The following TPTE variants were observed in gnomAD, a reference collection of about 807,000 sequenced individuals.
TPTE encodes the protein putative tyrosine-protein phosphatase TPTE.
TPTE carries 59 observed loss-of-function variants against 84.1 expected under a neutral mutation model. The ratio of observed to expected loss-of-function variants is 0.70; its 90% CI spans 0.57 to 0.87. The LOEUF (loss-of-function observed/expected upper bound fraction) is 0.87, where lower values mean the gene tolerates loss of function less well. Among genes scored for constraint, TPTE ranks in the 40% least tolerant of loss-of-function variants. The pLI is 0.00. For synonymous variants in TPTE, 130 were observed against 223.5 expected, an observed-to-expected ratio of 0.58 and a Z score of 3.73; for missense variants, 382 against 659.6, an observed-to-expected ratio of 0.58 and a Z score of 4.61.
intron 7 of TPTE, among the ~76,000 whole-genome samples, chr21:10,549,190 A>G (rs1345707223): frequency 6.6e-6 from 1 of 152,310 alleles, no homozygotes; most frequent in African/African-American, 2.4e-5. Flanking sequence ...GGTATACCCC[A>G]ATGAACTGAC....
intron 7 of TPTE, among the ~76,000 whole-genome samples, chr21:10,544,433 G>A (rs1380438928): frequency 3.9e-5 from 6 of 152,310 alleles, no homozygotes; most frequent in Admixed American, 3.9e-4. Flanking sequence ...TGCCCAAGCT[G>A]GCGTGCAGTG....
intron 7 of TPTE, among the ~76,000 whole-genome samples, chr21:10,546,629 T>C (rs1318217736): frequency 2.0e-5 from 3 of 152,308 alleles, no homozygotes; most frequent in Non-Finnish European, 4.4e-5. Context: ...CCAGTGAACA[T>C]ACAAATGTTG....
intron 10 of TPTE, among the ~76,000 whole-genome samples, chr21:10,562,641 A>C: frequency 6.6e-6 from 1 of 152,312 alleles, no homozygotes; most frequent in East Asian, 1.9e-4. Flanking sequence ...AATGCATTAG[A>C]GTCTTTTAAT....
At chr21:10,599,365 T>C (rs11184140) in intron 21 of TPTE, among the ~76,000 whole-genome samples, 1,436 of 150,056 alleles carry the variant, frequency 9.6e-3, no homozygotes, top group Non-Finnish European at 0.014. Flanking sequence ...TATAATGCAA[T>C]GTATAGAATC....
intron 19 of TPTE, among the ~76,000 whole-genome samples, chr21:10,594,172 A>T (rs1471254580): frequency 6.6e-6 from 1 of 152,310 alleles, no homozygotes; most frequent in Non-Finnish European, 1.5e-5. Context: ...TGCATCACAC[A>T]TCCCATACTC....
chr21:10,545,729 A>G lies in TPTE; in HGVS notation c.173+2347A>G, dbSNP rs569717941. 8.6e-5 allele frequency among the ~76,000 whole-genome samples: 13 copies of G among 151,938 alleles called. No homozygotes were observed. The South Asian group carries it at 2.3e-3, about 27-fold the overall frequency. On this transcript the variant is annotated intron_variant, in intron 7 of 23. Coordinates refer to ENST00000618007, the MANE Select transcript of TPTE (RefSeq NM_199261.4). ...AGCTATATATGTAATATATATAGAT[A>G]TATAAATATGTATTTGTGTGTATAT...
At chr21:10,587,642 C>A (rs2075390703) in intron 17 of TPTE, among the ~76,000 whole-genome samples, 1 of 152,308 alleles carries the variant, frequency 6.6e-6, no homozygotes, top group African/African-American at 2.4e-5. Context: ...CTCCACCTCC[C>A]AGGTTCAAGT....
At chr21:10,523,799 T>C (rs1308426692) in intron 1 of TPTE, among the ~76,000 whole-genome samples, 1 of 152,308 alleles carries the variant, frequency 6.6e-6, no homozygotes, top group African/African-American at 2.4e-5. Context: ...TTATAGTCCT[T>C]TGGGTATATA....
chr21:10,562,014 C>G (rs1486914545), intron 10 of TPTE, among the ~76,000 whole-genome samples: 2 of 152,420 alleles, frequency 1.3e-5, no homozygotes, highest in South Asian at 2.1e-4. Flanking sequence ...CACTCAACCC[C>G]AAGCTTTAGG....
intron 23 of TPTE, among the ~76,000 whole-genome samples, chr21:10,604,133 A>T (rs545161208): frequency 1.9e-3 from 287 of 151,902 alleles, no homozygotes; most frequent in African/African-American, 6.6e-3. Flanking sequence ...AATATCATTA[A>T]GTAATAGTCT....
chr21:10,548,775 C>A (rs1183893843), intron 7 of TPTE, among the ~76,000 whole-genome samples: 10 of 152,312 alleles, frequency 6.6e-5, no homozygotes, highest in African/African-American at 1.7e-4. Flanking sequence ...TACCCACATA[C>A]CAGTTATGGG....
At chr21:10,523,703 G>A (rs1440343631) in intron 1 of TPTE, among the ~76,000 whole-genome samples, 1 of 152,300 alleles carries the variant, frequency 6.6e-6, no homozygotes, top group Non-Finnish European at 1.5e-5. Flanking sequence ...ATCATTGTTG[G>A]ACATTTGGGT....
At chr21:10,570,421 A>C (rs2019999) in intron 13 of TPTE, 64 bp from the exon 14 acceptor site, 1 of 1,543,928 alleles carries the variant, frequency 6.5e-7, no homozygotes. Context: ...GTATAAATTA[A>C]TTTTTTTGTA....
chr21:10,559,733 G>A (rs552729036), intron 9 of TPTE, among the ~76,000 whole-genome samples, 189 bp downstream of exon 9: 6 of 152,292 alleles, frequency 3.9e-5, no homozygotes, highest in Non-Finnish European at 7.3e-5. Context: ...AATTAGCCAA[G>A]CATAATGGTG....
intron 3 of TPTE, among the ~76,000 whole-genome samples, chr21:10,536,879 C>T (rs1484787976): frequency 1.3e-5 from 2 of 152,304 alleles, no homozygotes; most frequent in Middle Eastern, 3.2e-3. Flanking sequence ...GGAAGAAAAC[C>T]CTATGCAGAG....
intron 17 of TPTE, among the ~76,000 whole-genome samples, chr21:10,584,337 C>CT (rs58211728): frequency 8.4e-3 from 1,208 of 143,692 alleles, no homozygotes; most frequent in African/African-American, 0.014. Context: ...CCTAAACTCA[C>CT]TTTTTTTTTT....
chr21:10,560,976 A>G, intron 9 of TPTE, 54 bp from the exon 10 acceptor site: 4 of 1,573,508 alleles, frequency 2.5e-6, no homozygotes, highest in South Asian at 2.4e-5. Flanking sequence ...TACAGGGACA[A>G]ATGCCCCTTT....
chr21:10,537,798 A>G (rs1031381786), intron 3 of TPTE, among the ~76,000 whole-genome samples: 5 of 152,304 alleles, frequency 3.3e-5, no homozygotes, highest in Admixed American at 3.3e-4. Flanking sequence ...ATATTAAATC[A>G]AGGCATGCAC....
intron 7 of TPTE, among the ~76,000 whole-genome samples, chr21:10,550,354 A>G (rs906020120): frequency 6.6e-6 from 1 of 152,302 alleles, no homozygotes; most frequent in Non-Finnish European, 1.5e-5. Flanking sequence ...TTACCGGTAT[A>G]GAAACACATA....
Sources: gnomAD v4.1 joint callset for allele counts (sites outside exome capture counted in the v4.1 genomes callset) on GRCh38, gnomAD v4.1.1 for gene constraint, MANE v1.5 for transcripts, NCBI Gene and HGNC (gene_info 2026-07-23, HGNC 2026-07-21) for gene names.